Variants in SH3RF3 observed in about 807,000 individuals in gnomAD.
SH3RF3 encodes the protein E3 ubiquitin-protein ligase SH3RF3.
SH3RF3 carries 29 observed loss-of-function variants against 66.3 expected under a neutral mutation model. That is an observed-to-expected ratio of 0.44 (90% confidence interval 0.33 to 0.60). The LOEUF is 0.60. Ranked by LOEUF, SH3RF3 falls within the 20% of genes least tolerant of loss-of-function variation. The pLI, the probability that SH3RF3 is intolerant of heterozygous loss-of-function variation, is 0.04. For synonymous variants in SH3RF3, 583 were observed against 532.0 expected (o/e 1.10, Z -1.32); for missense variants, 1,194 against 1,190.9 (o/e 1.00, Z -0.04).
At chr2:109,467,726 G>A (rs1208467972) in intron 8 of SH3RF3, among the ~76,000 whole-genome samples, 1 of 152,226 alleles carries the variant, frequency 6.6e-6, no homozygotes, top group African/African-American at 2.4e-5. Context: ...GAGGATGAGC[G>A]TTTGAAGCAG....
intron 1 of SH3RF3, among the ~76,000 whole-genome samples, chr2:109,262,817 A>G (rs1315858823): frequency 6.6e-6 from 1 of 152,068 alleles, no homozygotes; most frequent in Non-Finnish European, 1.5e-5. Flanking sequence ...TTTTATTTTC[A>G]TACAAGACTT....
intron 1 of SH3RF3, among the ~76,000 whole-genome samples, chr2:109,321,722 C>G (rs1389271708): frequency 6.6e-6 from 1 of 152,230 alleles, no homozygotes; most frequent in Non-Finnish European, 1.5e-5. Flanking sequence ...CCGTGCAACT[C>G]AAGTATAGAC....
chr2:109,299,671 A>G (rs1341862503), intron 1 of SH3RF3, among the ~76,000 whole-genome samples: 1 of 152,212 alleles, frequency 6.6e-6, no homozygotes, highest in Non-Finnish European at 1.5e-5. Context: ...TGCCGAACCT[A>G]AAAGCCAGTT....
intron 8 of SH3RF3, among the ~76,000 whole-genome samples, chr2:109,479,351 G>C (rs527919008): frequency 1.1e-4 from 17 of 152,108 alleles, no homozygotes; most frequent in Non-Finnish European, 2.2e-4. Flanking sequence ...ACAGTGTTGT[G>C]GCTGTATTTA....
intron 8 of SH3RF3, among the ~76,000 whole-genome samples, chr2:109,478,570 T>C (rs768107310): frequency 5.8e-4 from 88 of 152,338 alleles, no homozygotes; most frequent in Non-Finnish European, 9.7e-4. Context: ...TTTGGATGTC[T>C]GGTATCCCTA....
At chr2:109,290,636 C>A (rs1245901856) in intron 1 of SH3RF3, among the ~76,000 whole-genome samples, 1 of 152,254 alleles carries the variant, frequency 6.6e-6, no homozygotes, top group African/African-American at 2.4e-5. Context: ...TCCTCCAACT[C>A]AGACGCCCTC....
intron 9 of SH3RF3, among the ~76,000 whole-genome samples, chr2:109,500,541 G>T (rs1385084038): frequency 6.6e-6 from 1 of 152,206 alleles, no homozygotes; most frequent in Non-Finnish European, 1.5e-5. Context: ...CCCAAGTCTT[G>T]TGGAAATGAG....
intron 1 of SH3RF3, among the ~76,000 whole-genome samples, chr2:109,199,587 TGG>T (rs1678603406): frequency 6.2e-3 from 6 of 972 alleles, no homozygotes; most frequent in African/African-American, 9.3e-3. Context: ...TGGAATGGAA[TGG>T]AATGGAATGG....
intron 9 of SH3RF3, among the ~76,000 whole-genome samples, chr2:109,499,053 G>T (rs573608683): frequency 6.6e-6 from 1 of 152,282 alleles, no homozygotes; most frequent in South Asian, 2.1e-4. Context: ...GGAGCCCTCT[G>T]AGCCTTTGCC....
chr2:109,434,837 CTCAATAAATGCAGATCGAA>C (rs1222712686), intron 6 of SH3RF3, among the ~76,000 whole-genome samples: 5 of 152,222 alleles, frequency 3.3e-5, no homozygotes, highest in African/African-American at 9.6e-5. Flanking sequence ...ATACGAGGTG[CTCAATAAATGCAGATCGAA>C]TCAATAAAAG....
chr2:109,172,906 C>T (rs1284722852), intron 1 of SH3RF3, among the ~76,000 whole-genome samples: 1 of 152,214 alleles, frequency 6.6e-6, no homozygotes, highest in Admixed American at 6.5e-5. Flanking sequence ...ATGTTCAAAG[C>T]AATTGCTTGT....
At chr2:109,236,742 C>CTGT (rs1446296001) in intron 1 of SH3RF3, among the ~76,000 whole-genome samples, 1 of 152,184 alleles carries the variant, frequency 6.6e-6, no homozygotes, top group East Asian at 1.9e-4. Context: ...GGACTGTTTC[C>CTGT]TGTTTGCAAA....
rs1682753403 is a variant in SH3RF3, at chr2:109,347,902, G to A, written c.802G>A (p.Glu268Lys). ...CCAGGGAAAAGCACTTTATGATTTC[G>A]AGATGAAGGACAAAGACCAAGACAA... ...PPQGKALYDFEMKDKDQDKDC... is the reference protein window; with the variant it reads ...PPQGKALYDFKMKDKDQDKDC... The change falls in exon 2 of 10, where the codon GAG becomes AAG. Residue 268 changes from glutamate (E) to lysine (K), a missense_variant. Glu to Lys is a moderately conservative substitution (Grantham distance 56). Coordinates refer to ENST00000309415, the MANE Select transcript of SH3RF3 (RefSeq NM_001099289.3). 15 of 1,610,896 alleles carry A rather than the reference G, an allele frequency of 9.3e-6. No individual in the cohort carries two copies. Among genetic ancestry groups the A allele is most frequent in the East Asian group, 2.2e-5 (1 of 44,732 alleles).
chr2:109,321,167 GCTT>G (rs1682018404), intron 1 of SH3RF3, among the ~76,000 whole-genome samples: 1 of 152,218 alleles, frequency 6.6e-6, no homozygotes, highest in African/African-American at 2.4e-5. Context: ...CCTCTCAAAC[GCTT>G]CTTTGCAGCT....
intron 1 of SH3RF3, among the ~76,000 whole-genome samples, chr2:109,325,403 G>A (rs775088642): frequency 1.1e-4 from 14 of 125,138 alleles, no homozygotes; most frequent in Non-Finnish European, 2.2e-4. Flanking sequence ...GTACAGTGGT[G>A]TGATCATGGC....
intron 7 of SH3RF3, among the ~76,000 whole-genome samples, chr2:109,442,203 C>G (rs960535449): frequency 6.6e-6 from 1 of 151,268 alleles, no homozygotes; most frequent in Non-Finnish European, 1.5e-5. Flanking sequence ...CCCAGCTGCT[C>G]AGGAGGCTGA....
intron 1 of SH3RF3, among the ~76,000 whole-genome samples, chr2:109,208,306 C>T (rs1201918552): frequency 6.6e-6 from 1 of 152,216 alleles, no homozygotes; most frequent in African/African-American, 2.4e-5. Flanking sequence ...TGGGGCATAT[C>T]CCTTCCCTTA....
At chr2:109,189,628 A>C (rs1678292851) in intron 1 of SH3RF3, among the ~76,000 whole-genome samples, 1 of 152,144 alleles carries the variant, frequency 6.6e-6, no homozygotes, top group Non-Finnish European at 1.5e-5. Context: ...TGGCCTCCCA[A>C]AGTGAGTCCA....
At chr2:109,170,415 G>A (rs1169192630) in intron 1 of SH3RF3, among the ~76,000 whole-genome samples, 1 of 151,054 alleles carries the variant, frequency 6.6e-6, no homozygotes, top group Non-Finnish European at 1.5e-5. Flanking sequence ...GCACAATCTC[G>A]GCTCACTGCA....
Sources: allele counts gnomAD v4.1 joint callset (sites outside exome capture counted in the v4.1 genomes callset), GRCh38; gene constraint gnomAD v4.1.1; transcripts MANE v1.5; gene names NCBI Gene and HGNC (gene_info 2026-07-23, HGNC 2026-07-21).